The following DPF3 variants were observed in gnomAD, a reference collection of about 807,000 sequenced individuals.
DPF3 encodes the protein double PHD fingers 3, also known as zinc finger protein DPF3.
Under a neutral mutation model 56.8 loss-of-function variants are expected in DPF3, and 18 were observed. That is an observed-to-expected ratio of 0.32 (90% CI 0.22 to 0.47). The LOEUF is 0.47. DPF3 is among the 20% of genes least tolerant of loss of function. The pLI, the probability that DPF3 is intolerant of heterozygous loss-of-function variation, is 1.00. For missense variants in DPF3, 403 were observed against 488.8 expected (o/e 0.82, Z 1.65); for synonymous variants, 188 against 180.2 (o/e 1.04, Z -0.35).
chr14:72,691,423 G>C (rs1887674711), intron 7 of DPF3, among the ~76,000 whole-genome samples: 1 of 152,140 alleles, frequency 6.6e-6, no homozygotes, highest in South Asian at 2.1e-4. Flanking sequence ...AATCTGACAG[G>C]TGTCCTTACA....
intron 3 of DPF3, among the ~76,000 whole-genome samples, chr14:72,743,276 G>A (rs114062954): frequency 0.011 from 1,646 of 152,246 alleles, 28 homozygotes; most frequent in African/African-American, 0.037. Flanking sequence ...CAGGAGGAGC[G>A]TCAACTGTAA....
At chr14:72,774,002 A>C (rs1216730820) in intron 1 of DPF3, 2 of 454,128 alleles carry the variant, frequency 4.4e-6, no homozygotes, top group Admixed American at 4.7e-5. Flanking sequence ...CCCTGCTTTC[A>C]GGCTGGGCGC....
intron 1 of DPF3, among the ~76,000 whole-genome samples, chr14:72,840,224 G>A (rs1235744312): frequency 2.6e-5 from 4 of 152,290 alleles, no homozygotes; most frequent in Admixed American, 6.5e-5. Context: ...GCCTGCAGCC[G>A]TGGAACCAAG....
chr14:72,693,017 G>A (rs949456811), intron 7 of DPF3, 59 bp downstream of exon 7: 40 of 1,600,002 alleles, frequency 2.5e-5, no homozygotes, highest in Admixed American at 6.9e-5. Flanking sequence ...AACAAGGAAC[G>A]CTCCCCAGCC....
chr14:72,838,906 T>TATATATATATATATATATATATATA lies in DPF3; in HGVS notation c.32+55150_32+55151insTATATATATATATATATATATATAT, dbSNP rs375598670. Among the ~76,000 whole-genome samples, 474 of 87,058 alleles carry TATATATATATATATATATATATATA rather than the reference T, an allele frequency of 5.4e-3. 58 individuals are homozygous for TATATATATATATATATATATATATA. Among genetic ancestry groups the TATATATATATATATATATATATATA allele is most frequent in the African/African-American group, 9.5e-3 (222 of 23,474 alleles). The allele number at this position is 87,058 out of a possible 152,430, so 57.1% of individuals were successfully genotyped here. A position where few individuals can be genotyped will look rare whatever the true frequency, so the allele number is the denominator to read the frequency against. On this transcript the variant is annotated intron_variant, in intron 1 of 10. Coordinates refer to ENST00000556509, the MANE Select transcript of DPF3 (RefSeq NM_001280542.3). ...TCTATCATATATATTATCATATATA[T>TATATATATATATATATATATATATA]TCTTTTTTTTTTTTTTTTTTTTTTT...
At position 72,619,079 on chromosome 14, in the gene DPF3, C is replaced by T. The variant is rs1055914284; in HGVS notation, c.*218G>A. Among the ~76,000 whole-genome samples, 5 of 152,296 alleles carry T rather than the reference C, an allele frequency of 3.3e-5. No individual in the cohort carries two copies. Among genetic ancestry groups the T allele is most frequent in the African/African-American group, 7.2e-5 (3 of 41,570 alleles). On this transcript the variant is annotated 3_prime_UTR_variant, in exon 11 of 11. Coordinates refer to ENST00000556509, the MANE Select transcript of DPF3 (RefSeq NM_001280542.3). ...GTTCTCCCAAAGTGCAACTTCCTTC[C>T]GGTAGAGACAAGGAGGTGCTGGCTG...
intron 2 of DPF3, among the ~76,000 whole-genome samples, chr14:72,767,131 C>G (rs1463812202): frequency 1.3e-5 from 2 of 152,212 alleles, no homozygotes; most frequent in African/African-American, 2.4e-5. Flanking sequence ...TTTCCACATC[C>G]ATCTGACAGT....
At chr14:72,734,272 C>T (rs1305936140) in intron 3 of DPF3, among the ~76,000 whole-genome samples, 2 of 152,152 alleles carry the variant, frequency 1.3e-5, no homozygotes, top group African/African-American at 4.8e-5. Context: ...ATATAGGTAA[C>T]GGGGTCTACC....
chr14:72,766,821 C>G (rs978523935), intron 2 of DPF3, among the ~76,000 whole-genome samples: 1 of 152,094 alleles, frequency 6.6e-6, no homozygotes, highest in African/African-American at 2.4e-5. Flanking sequence ...CCAGAAACAC[C>G]AACAAATGAA....
At chr14:72,833,825 A>C (rs1204452522) in intron 1 of DPF3, among the ~76,000 whole-genome samples, 1 of 152,204 alleles carries the variant, frequency 6.6e-6, no homozygotes, top group Non-Finnish European at 1.5e-5. Flanking sequence ...AAAACATACA[A>C]ATGGCCAATA....
At chr14:72,808,599 CCATTT>C (rs1882895057) in intron 1 of DPF3, among the ~76,000 whole-genome samples, 1 of 152,124 alleles carries the variant, frequency 6.6e-6, no homozygotes, top group Admixed American at 6.5e-5. Context: ...AAATAGTTCG[CCATTT>C]ACTCTTAGGA....
At chr14:72,756,701 A>G (rs1371743315) in intron 2 of DPF3, among the ~76,000 whole-genome samples, 4 of 151,672 alleles carry the variant, frequency 2.6e-5, no homozygotes, top group Admixed American at 2.6e-4. Flanking sequence ...AATCTCAGCT[A>G]TTCGGGAGGC....
chr14:72,700,931 A>G (rs1888132088), intron 6 of DPF3, among the ~76,000 whole-genome samples: 1 of 152,218 alleles, frequency 6.6e-6, no homozygotes, highest in Non-Finnish European at 1.5e-5. Context: ...CAACAAAGAG[A>G]ATAAACCCCA....
chr14:72,714,402 G>T (rs748080302), intron 6 of DPF3, 21 bp downstream of exon 6: 6 of 1,612,760 alleles, frequency 3.7e-6, no homozygotes, highest in Non-Finnish European at 5.1e-6. Context: ...AGGAAGGAAG[G>T]TGGGACCGGC....
intron 8 of DPF3, among the ~76,000 whole-genome samples, chr14:72,644,726 G>A (rs915034765): frequency 5.3e-5 from 8 of 152,172 alleles, no homozygotes; most frequent in Middle Eastern, 3.2e-3. Context: ...AAAGATTCAC[G>A]AGGCCCTTCT....
chr14:72,712,071 C>T (rs1158533435), intron 6 of DPF3, among the ~76,000 whole-genome samples: 1 of 148,192 alleles, frequency 6.7e-6, no homozygotes, highest in Non-Finnish European at 1.5e-5. Context: ...GAAGGGCAAT[C>T]GACGGTGGCC....
chr14:72,612,867 AGGCTGAGAGCT>A lies in DPF3; in HGVS notation c.*6419_*6429del, dbSNP rs1883826905. On this transcript the variant is annotated 3_prime_UTR_variant, in exon 11 of 11. Coordinates refer to ENST00000556509, the MANE Select transcript of DPF3 (RefSeq NM_001280542.3). ...CTTTGCAACCCTGGTGGCTGTGCAG[AGGCTGAGAGCT>A]GGAGGAGCAGGACTGGAGAAGACTT... is the stretch of plus-strand genomic sequence containing the variant. Among the ~76,000 whole-genome samples, 1 of 152,192 alleles carries A rather than the reference AGGCTGAGAGCT, an allele frequency of 6.6e-6. No individual in the cohort carries two copies. Among genetic ancestry groups the A allele is most frequent in the South Asian group, 2.1e-4 (1 of 4,822 alleles).
chr14:72,696,684 G>C (rs1156922809), intron 6 of DPF3, among the ~76,000 whole-genome samples: 1 of 152,174 alleles, frequency 6.6e-6, no homozygotes, highest in African/African-American at 2.4e-5. Flanking sequence ...TAAGCAAAAA[G>C]CTCCCTCTAT....
chr14:72,731,803 A>T lies in DPF3; in HGVS notation c.429+4T>A. The T allele has an allele frequency of 6.2e-7, 1 of 1,613,420 alleles. No homozygotes were observed. Among genetic ancestry groups the T allele is most frequent in the Non-Finnish European group, 8.5e-7 (1 of 1,179,680 alleles). On this transcript the variant is annotated splice_donor_region_variant and intron_variant, in intron 4 of 10. Transcript: ENST00000556509. Reference sequence around the variant, plus strand: ...TGTGGGGTCCCCAGCAGGTGTGGGAATACCTGTATTTCCTGGATGCTTTCC... The same window carrying T: ...TGTGGGGTCCCCAGCAGGTGTGGGATTACCTGTATTTCCTGGATGCTTTCC...
Sources: gnomAD v4.1 joint callset for allele counts (sites outside exome capture counted in the v4.1 genomes callset) on GRCh38, gnomAD v4.1.1 for gene constraint, MANE v1.5 for transcripts, NCBI Gene and HGNC (gene_info 2026-07-23, HGNC 2026-07-21) for gene names.